The following FOXP2 variants were observed in gnomAD, a reference collection of about 807,000 sequenced individuals.
FOXP2 encodes forkhead box protein P2.
In FOXP2, 12 loss-of-function variants were observed where a neutral mutation model predicts 115.8. That is an observed-to-expected ratio of 0.10 (90% confidence interval 0.07 to 0.17). FOXP2 has a LOEUF of 0.17. FOXP2 is among the 10% of genes least tolerant of loss of function. FOXP2 has a pLI of 1.00. For missense variants in FOXP2, 629 were observed against 843.5 expected (o/e 0.75, Z 3.15); for synonymous variants, 328 against 297.7 (o/e 1.10, Z -1.05).
intron 2 of FOXP2, among the ~76,000 whole-genome samples, chr7:114,513,269 A>C (rs1215989454): frequency 6.6e-6 from 1 of 152,172 alleles, no homozygotes; most frequent in Non-Finnish European, 1.5e-5. Flanking sequence ...GTGGAAACAG[A>C]ACCAACAAAT....
chr7:114,168,825 G>T (rs1490971828), intron 1 of FOXP2, among the ~76,000 whole-genome samples: 1 of 152,122 alleles, frequency 6.6e-6, no homozygotes, highest in African/African-American at 2.4e-5. Flanking sequence ...TGTCCTCAGG[G>T]TCCCCATGCT....
chr7:114,294,346 C>T (rs1796682467), intron 2 of FOXP2, among the ~76,000 whole-genome samples: 1 of 152,094 alleles, frequency 6.6e-6, no homozygotes, highest in Non-Finnish European at 1.5e-5. Context: ...ACTAATCTAT[C>T]CTGATAGTTT....
chr7:114,342,932 T>C (rs955015300), intron 2 of FOXP2, among the ~76,000 whole-genome samples: 1 of 151,562 alleles, frequency 6.6e-6, no homozygotes, highest in African/African-American at 2.4e-5. Flanking sequence ...AGAAGAAATG[T>C]TCAGAAATCT....
At chr7:114,586,857 C>G (rs1802161533) in intron 3 of FOXP2, among the ~76,000 whole-genome samples, 1 of 151,812 alleles carries the variant, frequency 6.6e-6, no homozygotes, top group Non-Finnish European at 1.5e-5. Context: ...ACATTGCTTA[C>G]TGTAAATAAT....
intron 2 of FOXP2, among the ~76,000 whole-genome samples, chr7:114,321,300 G>A (rs1191730632): frequency 6.6e-6 from 1 of 151,792 alleles, no homozygotes; most frequent in East Asian, 1.9e-4. Context: ...CTGGGTTCAC[G>A]CCATTCTCCT....
At chr7:114,245,129 A>T (rs191612331) in intron 1 of FOXP2, among the ~76,000 whole-genome samples, 1 of 152,186 alleles carries the variant, frequency 6.6e-6, no homozygotes, top group African/African-American at 2.4e-5. Flanking sequence ...TTACTTTTTC[A>T]TTATGGATTA....
chr7:114,455,157 A>G (rs1346695045), intron 2 of FOXP2, among the ~76,000 whole-genome samples: 1 of 152,150 alleles, frequency 6.6e-6, no homozygotes, highest in Admixed American at 6.5e-5. Context: ...TAAATATTTC[A>G]CTAAGATATT....
At chr7:114,681,082 G>A (rs888567992) in intron 16 of FOXP2, among the ~76,000 whole-genome samples, 3 of 152,116 alleles carry the variant, frequency 2.0e-5, no homozygotes, top group Non-Finnish European at 4.4e-5. Context: ...AGGACACTTA[G>A]GGCTGGCAAT....
intron 3 of FOXP2, among the ~76,000 whole-genome samples, chr7:114,539,967 AAC>A (rs1799576282): frequency 6.6e-6 from 1 of 152,036 alleles, no homozygotes; most frequent in South Asian, 2.1e-4. Flanking sequence ...AAAGATACCC[AAC>A]CTTTCAAGAT....
chr7:114,429,173 A>T (rs1793998061), intron 2 of FOXP2, among the ~76,000 whole-genome samples: 1 of 151,500 alleles, frequency 6.6e-6, no homozygotes, highest in Admixed American at 6.6e-5. Flanking sequence ...TGGTGTTTGG[A>T]ATGAATCGCA....
rs536503804 is a variant in FOXP2, at chr7:114,515,074, T to A, written c.169-19543T>A. On this transcript the variant is annotated intron_variant, in intron 2 of 16. Coordinates refer to ENST00000350908, the MANE Select transcript of FOXP2 (RefSeq NM_014491.4). Reference sequence around the variant, plus strand: ...ATCATTTTTTATGGCTGCATAGTATTCCATGGTGTATATGTGCCACATTTT... The same window carrying A: ...ATCATTTTTTATGGCTGCATAGTATACCATGGTGTATATGTGCCACATTTT... Among the ~76,000 whole-genome samples the A allele has an allele frequency of 2.1e-3, 323 of 150,940 alleles. 1 individual carries two copies. Among genetic ancestry groups the A allele is most frequent in the African/African-American group, 7.5e-3 (309 of 40,964 alleles).
chr7:114,253,252 G>A (rs1433796015), intron 1 of FOXP2, among the ~76,000 whole-genome samples: 2 of 152,132 alleles, frequency 1.3e-5, no homozygotes, highest in Non-Finnish European at 2.9e-5. Flanking sequence ...GTGGTGCTGA[G>A]AAGAATGTAT....
At chr7:114,092,780 G>A (rs976756058) in intron 1 of FOXP2, among the ~76,000 whole-genome samples, 6 of 152,038 alleles carry the variant, frequency 3.9e-5, no homozygotes, top group African/African-American at 1.4e-4. Context: ...TATGTTCCAG[G>A]ATTTGGTTGA....
intron 2 of FOXP2, among the ~76,000 whole-genome samples, chr7:114,356,708 C>T (rs778637309): frequency 6.6e-6 from 1 of 152,138 alleles, no homozygotes; most frequent in Non-Finnish European, 1.5e-5. Context: ...TAAACTACTA[C>T]AACAGAGGCA....
chr7:114,345,895 A>G (rs933177984), intron 2 of FOXP2, among the ~76,000 whole-genome samples: 3 of 151,824 alleles, frequency 2.0e-5, no homozygotes, highest in Admixed American at 6.6e-5. Context: ...AATAAAGATG[A>G]GTAATATACT....
intron 1 of FOXP2, among the ~76,000 whole-genome samples, chr7:114,268,171 TATTCC>T (rs1484309349): frequency 6.6e-6 from 1 of 152,222 alleles, no homozygotes; most frequent in Non-Finnish European, 1.5e-5. Flanking sequence ...GGCTAAATAA[TATTCC>T]ATTGTATGTA....
chr7:114,490,905 T>C (rs1584800724), intron 2 of FOXP2, among the ~76,000 whole-genome samples: 1 of 152,326 alleles, frequency 6.6e-6, no homozygotes, highest in East Asian at 1.9e-4. Context: ...CAGTCTATCA[T>C]TGTTGAACAT....
At chr7:114,688,776 G>A (rs749175500) in intron 16 of FOXP2, among the ~76,000 whole-genome samples, 1 of 152,118 alleles carries the variant, frequency 6.6e-6, no homozygotes, top group Non-Finnish European at 1.5e-5. Context: ...AGTTGGTAAA[G>A]ATATTCATTA....
intron 2 of FOXP2, among the ~76,000 whole-genome samples, chr7:114,501,731 T>C (rs558736148): frequency 6.6e-6 from 1 of 152,128 alleles, no homozygotes; most frequent in Non-Finnish European, 1.5e-5. Context: ...TTTCCAATAT[T>C]TTAGTAATAC....
Sources: gnomAD v4.1 joint callset for allele counts (sites outside exome capture counted in the v4.1 genomes callset) on GRCh38, gnomAD v4.1.1 for gene constraint, MANE v1.5 for transcripts, NCBI Gene and HGNC (gene_info 2026-07-23, HGNC 2026-07-21) for gene names.